The following SBK1 variants were observed in gnomAD, a reference collection of about 807,000 sequenced individuals.
SBK1 encodes the protein SH3 domain binding kinase 1.
Under a neutral mutation model 24.4 loss-of-function variants are expected in SBK1, and 11 were observed. The ratio of observed to expected loss-of-function variants is 0.45; its 90% CI spans 0.28 to 0.75. The LOEUF (loss-of-function observed/expected upper bound fraction) is 0.75. Ranked by LOEUF, SBK1 falls within the 30% of genes least tolerant of loss-of-function variation. SBK1 has a pLI of 0.12. For synonymous variants in SBK1, 308 were observed against 284.4 expected, an observed-to-expected ratio of 1.08 and a Z score of -0.83; for missense variants, 467 against 620.5, an observed-to-expected ratio of 0.75 and a Z score of 2.63.
At chr16:28,315,581 C>G (rs764423396) in intron 1 of SBK1, among the ~76,000 whole-genome samples, 3 of 151,996 alleles carry the variant, frequency 2.0e-5, no homozygotes, top group Non-Finnish European at 2.9e-5. Flanking sequence ...GAAAACATAG[C>G]AAGACCCCAT....
chr16:28,312,329 G>A (rs1043839752), intron 1 of SBK1, among the ~76,000 whole-genome samples: 3 of 152,212 alleles, frequency 2.0e-5, no homozygotes, highest in Non-Finnish European at 4.4e-5. Context: ...TTCTAACTCG[G>A]AAGCCTCATC....
At position 28,320,753 on chromosome 16, in the gene SBK1, C is replaced by T. The variant is rs1436134364; in HGVS notation, c.1107C>T (p.Ala369=). 1 of 1,272,028 alleles carries T rather than the reference C, an allele frequency of 7.9e-7. No individual in the cohort carries two copies. Among genetic ancestry groups the T allele is most frequent in the South Asian group, 1.7e-5 (1 of 58,672 alleles). 78.8% of individuals were successfully genotyped at this position (1,272,028 alleles called of 1,614,324 possible). Residue 369 remains alanine, a synonymous_variant, in exon 4 of 4, where the codon GCC becomes GCT. Coordinates refer to ENST00000341901, the MANE Select transcript of SBK1 (RefSeq NM_001024401.3). This position sits in a 1 kb window ranked among gnomAD's most constrained non-coding sequence, Gnocchi z 8.5. ...SGSGSRPAPP[A]VGSVPLPVPV... ...GCGGCTCCCGGCCCGCGCCCCCCGC[C>T]GTCGGGTCGGTGCCCTTGCCCGTGC...
intron 1 of SBK1, among the ~76,000 whole-genome samples, chr16:28,266,653 A>C (rs2044430056): frequency 6.6e-6 from 1 of 151,066 alleles, no homozygotes; most frequent in Non-Finnish European, 1.5e-5. Context: ...AGGTACCTGC[A>C]TGCCTTGGCC....
In SBK1 at chr16:28,292,549, G is replaced by A; in HGVS notation, c.-759G>A. 1 of 979,558 alleles carries A rather than the reference G, an allele frequency of 1.0e-6. No individual in the cohort carries two copies. Among genetic ancestry groups the A allele is most frequent in the Non-Finnish European group, 1.2e-6 (1 of 827,422 alleles). 60.7% of individuals were successfully genotyped at this position (979,558 alleles called of 1,614,324 possible). ...CGATGCCGCGATGGAGCGCAGCCCG[G>A]GCGGGCGCCGGGGCCGGGGCCCGAG... On this transcript the variant is annotated 5_prime_UTR_variant, in exon 1 of 4. Transcript: ENST00000341901.
chr16:28,273,199 C>T (rs550148335), intron 1 of SBK1, among the ~76,000 whole-genome samples: 1 of 151,770 alleles, frequency 6.6e-6, no homozygotes, highest in Non-Finnish European at 1.5e-5. Context: ...TGTGAGCCAC[C>T]GCACCTGGCC....
chr16:28,285,964 C>T, intron 1 of SBK1: 1 of 152,350 alleles, frequency 6.6e-6, no homozygotes, highest in Non-Finnish European at 1.5e-5. Context: ...TGTTTCCCCT[C>T]ATCAGTGGCT....
At chr16:28,297,864 G>A (rs1163904790) in intron 1 of SBK1, among the ~76,000 whole-genome samples, 2 of 152,210 alleles carry the variant, frequency 1.3e-5, no homozygotes, top group Non-Finnish European at 2.9e-5. Flanking sequence ...CTGGGAGGCA[G>A]GATAGCATTG....
In SBK1 at chr16:28,280,131, ATATATATATATATATATATG is replaced by A. The variant is rs1489026170; in HGVS notation, c.257+20631_257+20650del. Among the ~76,000 whole-genome samples the A allele has an allele frequency of 1.3e-4, 8 of 61,900 alleles. No homozygotes were observed. The South Asian group carries it at 1.5e-3, about 12-fold the overall frequency. 40.6% of individuals were successfully genotyped at this position (61,900 alleles called of 152,430 possible). ...TGAAAAAAACTATATATATATATAT[ATATATATATATATATATATG>A]TGTGTGTGTGTGTGTGTGTGTATGT... On this transcript the variant is annotated intron_variant, in intron 1 of 3. Transcript: ENST00000671413.
intron 1 of SBK1, among the ~76,000 whole-genome samples, chr16:28,316,914 T>C (rs770686414): frequency 1.1e-4 from 16 of 152,068 alleles, no homozygotes; most frequent in Non-Finnish European, 1.9e-4. Context: ...GTGCAGTAGC[T>C]CATGCCTGTA....
rs765673536 is a variant in SBK1 at position 28,307,419 on chromosome 16, G to A, written c.-7-9966G>A. Among the ~76,000 whole-genome samples, 13 of 152,148 alleles carry A rather than the reference G, an allele frequency of 8.5e-5. No individual in the cohort carries two copies. In the South Asian group the frequency reaches 1.0e-3, roughly 12 times the overall value. On this transcript the variant is annotated intron_variant, in intron 1 of 3. Transcript: ENST00000341901. ...TCCAAAAGCTTAACCACTATGCTTCGCTGTCTCTAAAATGACAGAGTAAAA... is the reference window on the plus strand; with the variant it reads ...TCCAAAAGCTTAACCACTATGCTTCACTGTCTCTAAAATGACAGAGTAAAA...
intron 1 of SBK1, among the ~76,000 whole-genome samples, chr16:28,270,360 G>A (rs930514126): frequency 8.6e-5 from 13 of 150,490 alleles, no homozygotes; most frequent in East Asian, 5.9e-4. Context: ...ACGATCTGCC[G>A]GAACTATGTT....
Position 28,319,273 on chromosome 16 carries a change from C to T in SBK1, c.429+76C>T. 1 of 1,125,594 alleles carries T rather than the reference C, an allele frequency of 8.9e-7. No individual in the cohort carries two copies. 69.7% of individuals were successfully genotyped at this position (1,125,594 alleles called of 1,614,324 possible). ...GTGTGAGAGTGGGAGTGGAGTCAGACCATTTAATTAACAAGTATTTACTGG... is the reference window on the plus strand; with the variant it reads ...GTGTGAGAGTGGGAGTGGAGTCAGATCATTTAATTAACAAGTATTTACTGG... On this transcript the variant is annotated intron_variant, in intron 3 of 3. Coordinates refer to ENST00000341901, the MANE Select transcript of SBK1 (RefSeq NM_001024401.3). This position sits in a 1 kb window ranked among gnomAD's most constrained non-coding sequence, Gnocchi z 4.0.
chr16:28,306,460 G>A (rs1430189299), intron 1 of SBK1, among the ~76,000 whole-genome samples: 2 of 152,090 alleles, frequency 1.3e-5, no homozygotes, highest in Non-Finnish European at 1.5e-5. Context: ...CAAGCTATTC[G>A]GGCTCAGGCA....
chr16:28,294,603 A>C (rs1246770407), intron 1 of SBK1, among the ~76,000 whole-genome samples: 1 of 152,176 alleles, frequency 6.6e-6, no homozygotes, highest in Non-Finnish European at 1.5e-5. Context: ...GTTGAAGTGG[A>C]CCGGGCCAGG....
intron 1 of SBK1, among the ~76,000 whole-genome samples, chr16:28,301,556 C>G (rs2044678832): frequency 6.6e-6 from 1 of 152,216 alleles, no homozygotes; most frequent in Admixed American, 6.5e-5. Context: ...GACTCTTCCT[C>G]CCAGGCTCCT....
rs1047097563 is a variant in SBK1 at position 28,319,930 on chromosome 16, C to T, written c.430-146C>T. On this transcript the variant is annotated intron_variant, in intron 3 of 3. Coordinates refer to ENST00000341901, the MANE Select transcript of SBK1 (RefSeq NM_001024401.3). The surrounding 1 kb of genome is among the most constrained non-coding windows in gnomAD (Gnocchi z 4.0). ...CGGGGGAAAGGGCGCTCAGCAGCAT[C>T]CGGGCCGCGTCTGCGCGGTCGCCCC... The T allele has an allele frequency of 5.6e-6, 4 of 709,302 alleles. No homozygotes were observed. The African/African-American group carries it at 5.6e-5, about 10-fold the overall frequency. The allele number at this position is 709,302 out of a possible 1,614,324, so 43.9% of individuals were successfully genotyped here. A position where few individuals can be genotyped will look rare whatever the true frequency, so the allele number is the denominator to read the frequency against.
At chr16:28,310,247 G>A (rs561018572) in intron 1 of SBK1, among the ~76,000 whole-genome samples, 3 of 152,352 alleles carry the variant, frequency 2.0e-5, no homozygotes, top group East Asian at 1.9e-4. Flanking sequence ...TGGATGCGGC[G>A]CTGACAGCCC....
At chr16:28,273,793 T>G (rs1427830822) in intron 1 of SBK1, among the ~76,000 whole-genome samples, 1 of 152,186 alleles carries the variant, frequency 6.6e-6, no homozygotes, top group Non-Finnish European at 1.5e-5. Flanking sequence ...ACATGAATAT[T>G]TATAGCAGCT....
At chr16:28,260,076 GTATT>G (rs1333847754) in intron 1 of SBK1, among the ~76,000 whole-genome samples, 14 of 92,906 alleles carry the variant, frequency 1.5e-4, no homozygotes, top group African/African-American at 4.6e-4. Flanking sequence ...GCATGCATGT[GTATT>G]TGCTTGTGTG....
Sources: gnomAD v4.1 joint callset for allele counts (sites outside exome capture counted in the v4.1 genomes callset) on GRCh38, gnomAD v4.1.1 for gene constraint, Gnocchi (gnomAD v3.1) non-coding constraint, MANE v1.5 for transcripts, NCBI Gene and HGNC (gene_info 2026-07-23, HGNC 2026-07-21) for gene names.